KRT8: variants seen among roughly 807,000 people sequenced by gnomAD.
KRT8 encodes the protein keratin 8, also known as keratin, type II cytoskeletal 8.
KRT8 carries 24 observed loss-of-function variants against 43.0 expected under a neutral mutation model. The ratio of observed to expected loss-of-function variants is 0.56; its 90% CI spans 0.40 to 0.78. KRT8 has a LOEUF of 0.78. Ranked by LOEUF, KRT8 falls within the 30% of genes least tolerant of loss-of-function variation. KRT8 has a pLI of 0.00. For missense variants in KRT8, 492 were observed against 638.4 expected (o/e 0.77, Z 2.47); for synonymous variants, 214 against 261.2 (o/e 0.82, Z 1.74).
intron 2 of KRT8, among the ~76,000 whole-genome samples, chr12:52,918,225 A>AGAAGAAGAAGAAGAG (rs1941812202): frequency 1.3e-5 from 2 of 151,072 alleles, no homozygotes; most frequent in Non-Finnish European, 3.0e-5. Flanking sequence ...AAGAAGAAGA[A>AGAAGAAGAAGAAGAG]GAAGAAGAAG....
At chr12:52,905,137 T>G, upstream of KRT8, 1 of 1,391,458 alleles carries the variant, frequency 7.2e-7, no homozygotes, top group South Asian at 1.5e-5. Flanking sequence ...CGTACCTGAG[T>G]GGCTAGGCCC....
At chr12:52,937,914 T>C (rs1942194109) in intron 2 of KRT8, among the ~76,000 whole-genome samples, 1 of 147,500 alleles carries the variant, frequency 6.8e-6, no homozygotes. Flanking sequence ...GCAAGAGAAT[T>C]GCTTAAGCCC....
Position 52,932,906 on chromosome 12 carries a change from T to G in KRT8, c.-47+16550A>C, listed in dbSNP as rs541059744. Among the ~76,000 whole-genome samples, 4 of 152,208 alleles carry G rather than the reference T, an allele frequency of 2.6e-5. No homozygotes were observed. In the South Asian group the frequency reaches 8.3e-4, roughly 32 times the overall value. ...GCAAGATTGCAGGATAAATGATAAG[T>G]GATCAATACACAAAATTACATTTTT... On this transcript the variant is annotated intron_variant, in intron 2 of 6. Coordinates refer to the KRT8 transcript ENST00000546826.
intron 2 of KRT8, among the ~76,000 whole-genome samples, chr12:52,927,853 T>A (rs1942019850): frequency 6.6e-6 from 1 of 152,090 alleles, no homozygotes; most frequent in Non-Finnish European, 1.5e-5. Context: ...CCAAAACAGG[T>A]GTATCACCTG....
Position 52,939,936 on chromosome 12 carries a change from C to T in KRT8, c.-47+9520G>A, listed in dbSNP as rs117305057. On this transcript the variant is annotated intron_variant, in intron 2 of 6. Coordinates refer to the KRT8 transcript ENST00000546826. ...CAACATATTGAGACCCTCATCTCTA[C>T]CAAAAAAAGTTAGAAAAAGTAAAGA... Among the ~76,000 whole-genome samples the T allele has an allele frequency of 6.6e-5, 10 of 151,268 alleles. No individual in the cohort carries two copies. The East Asian group carries it at 1.8e-3, about 27-fold the overall frequency.
chr12:52,946,761 A>G (rs1942350456), intron 2 of KRT8: 1 of 152,214 alleles, frequency 6.6e-6, no homozygotes, highest in Admixed American at 6.5e-5. Flanking sequence ...ACCAGTGGGC[A>G]TTCATTTGTA....
At chr12:52,927,338 AG>A (rs1942010996) in intron 2 of KRT8, among the ~76,000 whole-genome samples, 1 of 152,182 alleles carries the variant, frequency 6.6e-6, no homozygotes, top group Non-Finnish European at 1.5e-5. Context: ...GAGGGTGAAG[AG>A]GGGCCCAGAT....
chr12:52,918,061 A>G (rs1172758986), intron 2 of KRT8, among the ~76,000 whole-genome samples: 2 of 141,198 alleles, frequency 1.4e-5, no homozygotes, highest in South Asian at 2.6e-4. Flanking sequence ...AGGAAGAAGA[A>G]GGAGAAGAAG....
At chr12:52,897,726 A>AAC in intron 7 of KRT8, 108 bp from the exon 8 acceptor site, 1 of 1,466,000 alleles carries the variant, frequency 6.8e-7, no homozygotes, top group Non-Finnish European at 9.4e-7. Context: ...ATGGGAGGTT[A>AAC]ACCCAGCTCT....
At position 52,934,707 on chromosome 12, in the gene KRT8, G is replaced by A. The variant is rs865898796; in HGVS notation, c.-47+14749C>T. 2.3e-4 allele frequency among the ~76,000 whole-genome samples: 35 copies of A among 152,232 alleles called. 1 individual carries two copies. Among genetic ancestry groups the A allele is most frequent in the African/African-American group, 3.1e-4 (13 of 41,552 alleles). ...ATACAGGCCAGGTGCGGTGGCTCAC[G>A]CCTGTAATCCCAGCACTTTGGGAAG... On this transcript the variant is annotated intron_variant, in intron 2 of 6. Transcript: ENST00000546826.
chr12:52,901,165 G>C, exon 3 of KRT8: 1 of 1,608,702 alleles, frequency 6.2e-7, no homozygotes, highest in Non-Finnish European at 8.5e-7. Context: ...TCACCTTCTT[G>C]ATGAGGACAA....
exon 6 of KRT8, chr12:52,898,748 A>G (rs1221352517): frequency 1.2e-6 from 2 of 1,614,216 alleles, no homozygotes; most frequent in African/African-American, 2.7e-5. Flanking sequence ...CTTGACGTTC[A>G]TCAGCTCCTG....
intron 2 of KRT8, among the ~76,000 whole-genome samples, chr12:52,945,229 C>A (rs149804362): frequency 3.3e-5 from 5 of 152,216 alleles, no homozygotes; most frequent in Admixed American, 1.3e-4. Flanking sequence ...GTGGGAGGGC[C>A]CCCTGCATGG....
intron 2 of KRT8, among the ~76,000 whole-genome samples, chr12:52,923,673 C>G (rs1390246925): frequency 1.3e-5 from 2 of 152,116 alleles, no homozygotes; most frequent in East Asian, 3.9e-4. Context: ...CCGCCTCGGC[C>G]TCCCAAAATA....
At chr12:52,937,813 A>G (rs1423536794) in intron 2 of KRT8, among the ~76,000 whole-genome samples, 1 of 151,724 alleles carries the variant, frequency 6.6e-6, no homozygotes, top group Admixed American at 6.6e-5. Context: ...CCTGGCCAAC[A>G]TGGTGAAACC....
At chr12:52,948,676 G>A (rs1403899633) in intron 2 of KRT8, 2 of 356,206 alleles carry the variant, frequency 5.6e-6, no homozygotes, top group Non-Finnish European at 1.0e-5. Flanking sequence ...TATTTTAGTA[G>A]AGAGGGGGTT....
intron 2 of KRT8, among the ~76,000 whole-genome samples, chr12:52,919,363 T>G (rs1277293746): frequency 6.6e-6 from 1 of 151,952 alleles, no homozygotes; most frequent in Non-Finnish European, 1.5e-5. Flanking sequence ...GCTTCCCGGG[T>G]TCAAGCAATT....
chr12:52,917,975 GGAAGAAGAA>G (rs755910762), intron 2 of KRT8, among the ~76,000 whole-genome samples: 1 of 134,568 alleles, frequency 7.4e-6, no homozygotes, highest in Admixed American at 8.2e-5. Context: ...AAGAGGAAGA[GGAAGAAGAA>G]GAAGAAGGAG....
upstream of KRT8, among the ~76,000 whole-genome samples, chr12:52,908,235 T>G (rs534531511): frequency 6.6e-6 from 1 of 152,164 alleles, no homozygotes; most frequent in South Asian, 2.1e-4. Flanking sequence ...GTTTTTTTTT[T>G]TCTTTTTTGA....
Sources: allele counts gnomAD v4.1 joint callset (sites outside exome capture counted in the v4.1 genomes callset), GRCh38; gene constraint gnomAD v4.1.1; transcripts MANE v1.5; gene names NCBI Gene and HGNC (gene_info 2026-07-23, HGNC 2026-07-21).